The following PTPN3 variants were observed in gnomAD, a reference collection of about 807,000 sequenced individuals.
The protein encoded by PTPN3 is protein tyrosine phosphatase non-receptor type 3, also known as tyrosine-protein phosphatase non-receptor type 3.
In PTPN3, 96 loss-of-function variants were observed where a neutral mutation model predicts 132.7. The observed-to-expected ratio is 0.72, with a 90% CI of 0.61 to 0.86. The LOEUF is 0.86. PTPN3 is among the 40% of genes least tolerant of loss of function. The probability of loss-of-function intolerance (pLI) is 0.00; values close to 1 mark genes in which losing one functional copy is unlikely to be tolerated. For missense variants in PTPN3, 1,125 were observed against 1,159.6 expected, an observed-to-expected ratio of 0.97 and a Z score of 0.43; for synonymous variants, 398 against 429.0, an observed-to-expected ratio of 0.93 and a Z score of 0.89.
At chr9:109,484,730 T>C (rs765921047) in intron 1 of PTPN3, among the ~76,000 whole-genome samples, 2 of 152,152 alleles carry the variant, frequency 1.3e-5, no homozygotes, top group Non-Finnish European at 2.9e-5. Context: ...TCACCCCACA[T>C]CTACCTGGGA....
chr9:109,471,085 G>T (rs1846357509), intron 1 of PTPN3, among the ~76,000 whole-genome samples: 1 of 149,744 alleles, frequency 6.7e-6, no homozygotes, highest in Non-Finnish European at 1.5e-5. Context: ...TTGAGATGGA[G>T]TCTCACTCTT....
chr9:109,510,576 A>AAATATATATATAT, the PTPN3 span, among the ~76,000 whole-genome samples: 1 of 47,328 alleles, frequency 2.1e-5, no homozygotes. Context: ...AAAAAAAAAA[A>AAATATATATATAT]ATATATATAT....
At chr9:109,381,931 A>T in intron 24 of PTPN3, 144 bp from the exon 25 acceptor site, 1 of 982,418 alleles carries the variant, frequency 1.0e-6, no homozygotes, top group South Asian at 1.6e-5. Context: ...GCGTGCTCTC[A>T]AACAGGCTGA....
chr9:109,422,913 C>A, intron 12 of PTPN3, 61 bp from the exon 13 acceptor site: 1 of 1,565,582 alleles, frequency 6.4e-7, no homozygotes, highest in Non-Finnish European at 8.8e-7. Context: ...GAAATTACTG[C>A]ATGTGTGAAA....
In PTPN3 at chr9:109,377,428, ACACACACACACACACACAC is replaced by A; in HGVS notation, c.*2109_*2127del. 4.0e-5 allele frequency: 6 copies of A among 150,518 alleles called. 1 individual carries two copies. In the Middle Eastern group the frequency reaches 0.019, roughly 489 times the overall value. 9.3% of individuals were successfully genotyped at this position (150,518 alleles called of 1,614,324 possible). A position where few individuals can be genotyped will look rare whatever the true frequency, so the allele number is the denominator to read the frequency against. ...CACACACACACACACACACACACAC[ACACACACACACACACACAC>A]ACACACACACAAGCCAGGTGAGGTG... On this transcript the variant is annotated 3_prime_UTR_variant, in exon 26 of 26. Transcript: ENST00000374541.
intron 12 of PTPN3, among the ~76,000 whole-genome samples, chr9:109,425,693 T>A (rs1843210763): frequency 6.9e-6 from 1 of 143,908 alleles, no homozygotes; most frequent in South Asian, 2.2e-4. Context: ...AGAGTGAGAC[T>A]TCGTCTCAAA....
intron 18 of PTPN3, among the ~76,000 whole-genome samples, chr9:109,405,169 G>A (rs1245946328): frequency 2.0e-5 from 3 of 152,126 alleles, no homozygotes; most frequent in Non-Finnish European, 4.4e-5. Context: ...TTTAGTGCAC[G>A]TTTTCCCTTC....
intron 14 of PTPN3, among the ~76,000 whole-genome samples, chr9:109,419,009 G>C (rs1048053533): frequency 2.0e-5 from 3 of 152,186 alleles, no homozygotes; most frequent in Non-Finnish European, 4.4e-5. Context: ...CTCCTGCTTT[G>C]TATTTCTAGA....
chr9:109,496,795 C>T (rs796924759), intron 1 of PTPN3, among the ~76,000 whole-genome samples: 54 of 152,270 alleles, frequency 3.5e-4, no homozygotes, highest in African/African-American at 1.2e-3. Context: ...ACAGGAATTG[C>T]TACTGGAATC....
chr9:109,509,686 T>A, the PTPN3 span, among the ~76,000 whole-genome samples: 2 of 152,214 alleles, frequency 1.3e-5, no homozygotes, highest in African/African-American at 2.4e-5. Flanking sequence ...AGTGATATTT[T>A]AAAAATGTGC....
Position 109,408,356 on chromosome 9 carries a change from G to T in PTPN3, c.1600C>A (p.Pro534Thr). 1 of 1,582,634 alleles carries T rather than the reference G, an allele frequency of 6.3e-7. No homozygotes were observed. The highest frequency in any genetic ancestry group is 8.6e-7 in the Non-Finnish European group (1 of 1,160,360). Residue 534 changes from proline to threonine, a missense_variant, in exon 17 of 26, where the codon CCT becomes ACT. Pro to Thr is a conservative substitution (Grantham distance 38). Transcript: ENST00000374541. ...NLKGGVDQKM[P>T]LVVSRINPES... ...GGGTTTATCCTTGATACCACAAGAG[G>T]CATCTTTTGATCCACTCCTCCCTGT...
chr9:109,452,183 G>T (rs1032218588), intron 5 of PTPN3, among the ~76,000 whole-genome samples: 11 of 147,632 alleles, frequency 7.5e-5, no homozygotes, highest in Non-Finnish European at 1.3e-4. Flanking sequence ...CAGGAGAATC[G>T]CTTGAACCCG....
chr9:109,477,852 C>T (rs1269448062), intron 1 of PTPN3, among the ~76,000 whole-genome samples: 2 of 152,228 alleles, frequency 1.3e-5, no homozygotes, highest in Admixed American at 6.5e-5. Context: ...GGACTCCTTC[C>T]GGCCCATGGG....
the PTPN3 span, among the ~76,000 whole-genome samples, chr9:109,510,591 A>G: frequency 8.2e-6 from 1 of 122,446 alleles, no homozygotes; most frequent in Admixed American, 9.0e-5. Context: ...ATATATATAT[A>G]TATATATATA....
At chr9:109,449,755 T>C (rs1031499970) in intron 5 of PTPN3, 3 of 985,386 alleles carry the variant, frequency 3.0e-6, no homozygotes, top group South Asian at 4.7e-5. Context: ...TGAAATCTAA[T>C]ATAGACAGGG....
At chr9:109,508,945 G>C in the PTPN3 span, among the ~76,000 whole-genome samples, 2 of 152,146 alleles carry the variant, frequency 1.3e-5, no homozygotes, top group Non-Finnish European at 2.9e-5. Flanking sequence ...TGTAATCCCA[G>C]TGCTTTGGGA....
intron 4 of PTPN3, among the ~76,000 whole-genome samples, chr9:109,455,380 C>T (rs1216216344): frequency 6.6e-6 from 1 of 152,288 alleles, no homozygotes; most frequent in East Asian, 1.9e-4. Flanking sequence ...AGTAAATATT[C>T]GCCAGCCCTA....
the PTPN3 span, among the ~76,000 whole-genome samples, chr9:109,537,445 A>T: frequency 3.9e-5 from 6 of 152,334 alleles, no homozygotes; most frequent in African/African-American, 1.4e-4. Context: ...GTCCTGCTCT[A>T]AACCAAAGCT....
At chr9:109,494,788 G>T (rs1241935386) in intron 1 of PTPN3, among the ~76,000 whole-genome samples, 29 of 152,078 alleles carry the variant, frequency 1.9e-4, no homozygotes, top group Admixed American at 1.9e-3. Flanking sequence ...ATCCTTCCAA[G>T]GCAGGGGTTC....
Sources: gnomAD v4.1 joint callset for allele counts (sites outside exome capture counted in the v4.1 genomes callset) on GRCh38, gnomAD v4.1.1 for gene constraint, MANE v1.5 for transcripts, NCBI Gene and HGNC (gene_info 2026-07-23, HGNC 2026-07-21) for gene names.